BSN: variants seen among roughly 807,000 people sequenced by gnomAD.
BSN encodes the protein bassoon presynaptic cytomatrix protein, also known as protein bassoon.
BSN carries 57 observed loss-of-function variants against 264.8 expected under a neutral mutation model. That is an observed-to-expected ratio of 0.22 (90% confidence interval 0.17 to 0.27). The LOEUF (loss-of-function observed/expected upper bound fraction) is 0.27. Among genes scored for constraint, BSN ranks in the 10% least tolerant of loss-of-function variants. The pLI, the probability that BSN is intolerant of heterozygous loss-of-function variation, is 1.00. For missense variants in BSN, 4,615 were observed against 5,232.5 expected (o/e 0.88, Z 3.64); for synonymous variants, 2,059 against 2,137.3 (o/e 0.96, Z 1.01).
intron 1 of BSN, among the ~76,000 whole-genome samples, chr3:49,587,066 G>A (rs1482410994): frequency 6.6e-6 from 1 of 151,908 alleles, no homozygotes; most frequent in East Asian, 1.9e-4. Flanking sequence ...ATTTTTTGGT[G>A]TCCTCTTCAA....
At chr3:49,647,863 C>T (rs989089199) in intron 3 of BSN, among the ~76,000 whole-genome samples, 3 of 152,204 alleles carry the variant, frequency 2.0e-5, no homozygotes, top group Admixed American at 2.0e-4. Context: ...GCCCTGTACC[C>T]TTCTTCCCCA....
rs899185065 is a variant in BSN at position 49,670,675 on chromosome 3, C to G, written c.*3190C>G. The G allele has an allele frequency of 6.6e-6, 1 of 152,346 alleles. No individual in the cohort carries two copies. The highest frequency in any genetic ancestry group is 2.4e-5 in the African/African-American group (1 of 41,458). 9.4% of individuals were successfully genotyped at this position (152,346 alleles called of 1,614,324 possible). A position where few individuals can be genotyped will look rare whatever the true frequency, so the allele number is the denominator to read the frequency against. ...AGGAGTCTCTAGCATGCAGCCCAGG[C>G]CTTCTCCATACCCCTCTCCCCAGCA... On this transcript the variant is annotated 3_prime_UTR_variant, in exon 12 of 12. Coordinates refer to ENST00000296452, the MANE Select transcript of BSN (RefSeq NM_003458.4).
intron 1 of BSN, among the ~76,000 whole-genome samples, chr3:49,605,903 TATAAATAG>T (rs2052132553): frequency 1.1e-3 from 1 of 872 alleles, no homozygotes; most frequent in African/African-American, 1.5e-3. Context: ...TTTATGTCTA[TATAAATAG>T]ATATAAATAG....
intron 1 of BSN, among the ~76,000 whole-genome samples, chr3:49,613,318 G>GAGAGAGAGAGAGAA (rs1438099181): frequency 7.0e-6 from 1 of 143,704 alleles, no homozygotes; most frequent in African/African-American, 2.6e-5. Flanking sequence ...GAGAGAGAGA[G>GAGAGAGAGAGAGAA]AGAGAGAGAG....
chr3:49,554,553 G>C lies in BSN; in HGVS notation c.-50G>C. Reference sequence around the variant, plus strand: ...AGAGTGTGAGCACCGCCCGGGAGCCGCCGGCCCGGGCGCAGCGCGACCCCG... The same window carrying C: ...AGAGTGTGAGCACCGCCCGGGAGCCCCCGGCCCGGGCGCAGCGCGACCCCG... On this transcript the variant is annotated 5_prime_UTR_variant, in exon 1 of 12. Coordinates refer to ENST00000296452, the MANE Select transcript of BSN (RefSeq NM_003458.4). The C allele has an allele frequency of 1.3e-6, 1 of 746,560 alleles. No homozygotes were observed. The highest frequency in any genetic ancestry group is 1.6e-6 in the Non-Finnish European group (1 of 612,278). 46.2% of individuals were successfully genotyped at this position (746,560 alleles called of 1,614,324 possible).
chr3:49,584,089 G>A (rs1172778175), intron 1 of BSN, among the ~76,000 whole-genome samples: 9 of 151,912 alleles, frequency 5.9e-5, no homozygotes, highest in Non-Finnish European at 1.0e-4. Context: ...GTTTCACCGT[G>A]TTAGCCAGGA....
chr3:49,626,537 G>A (rs1410758335), intron 2 of BSN, among the ~76,000 whole-genome samples: 4 of 152,152 alleles, frequency 2.6e-5, no homozygotes, highest in East Asian at 1.9e-4. Flanking sequence ...CTGAAGAGGC[G>A]TGCATGCTCG....
chr3:49,618,840 C>T (rs1379418330), intron 1 of BSN, among the ~76,000 whole-genome samples: 1 of 152,232 alleles, frequency 6.6e-6, no homozygotes, highest in Non-Finnish European at 1.5e-5. Flanking sequence ...TTTGTTTGCA[C>T]ATCTGTCTCT....
intron 1 of BSN, among the ~76,000 whole-genome samples, chr3:49,559,338 A>G (rs948211796): frequency 2.6e-5 from 4 of 152,162 alleles, no homozygotes; most frequent in Admixed American, 6.5e-5. Context: ...AGCCACTGCC[A>G]TCATCAACTT....
chr3:49,606,381 C>T (rs1387195698), intron 1 of BSN, among the ~76,000 whole-genome samples: 3 of 62,372 alleles, frequency 4.8e-5, no homozygotes, highest in African/African-American at 1.6e-4. Context: ...AGAAGTGCCC[C>T]CTGACCCACC....
Position 49,657,948 on chromosome 3 carries a change from G to A in BSN, c.8392G>A (p.Val2798Ile). 1 of 1,612,882 alleles carries A rather than the reference G, an allele frequency of 6.2e-7. No homozygotes were observed. The highest frequency in any genetic ancestry group is 1.1e-5 in the South Asian group (1 of 91,014). Reference protein sequence around the residue: ...PKSPQVLYSPVSPLSPHRLLD... With the variant: ...PKSPQVLYSPISPLSPHRLLD... ...GTCCCCTCAGGTCCTCTACTCACCA[G>A]TCTCACCCCTGTCCCCTCACCGGCT... Residue 2798 changes from valine to isoleucine, a missense_variant, in exon 5 of 12, where the codon GTC becomes ATC. Transcript: ENST00000296452.
chr3:49,616,028 G>C (rs538860548), intron 1 of BSN, among the ~76,000 whole-genome samples: 1 of 152,104 alleles, frequency 6.6e-6, no homozygotes, highest in Admixed American at 6.6e-5. Flanking sequence ...TTTCCACTTG[G>C]GGAGGTGGGT....
intron 1 of BSN, among the ~76,000 whole-genome samples, chr3:49,592,341 C>T (rs1335386369): frequency 4.0e-5 from 6 of 151,230 alleles, no homozygotes; most frequent in African/African-American, 7.3e-5. Context: ...CACTCCTGAC[C>T]TCAGGTGATC....
In BSN at chr3:49,654,934, G is replaced by T; in HGVS notation, c.5378G>T (p.Arg1793Ile). 6.2e-7 allele frequency: 1 copy of T among 1,611,728 alleles called. No homozygotes were observed. Among genetic ancestry groups the T allele is most frequent in the East Asian group, 2.2e-5 (1 of 44,842 alleles). ...TAPYRSGPRGRPREAKFARYN... is the reference protein window; with the variant it reads ...TAPYRSGPRGIPREAKFARYN... ...CCATACCGAAGTGGGCCCCGGGGAA[G>T]ACCCAGGGAGGCCAAGTTTGCCAGA... The change falls in exon 5 of 12, where the codon AGA becomes ATA. Residue 1793 changes from arginine (R) to isoleucine (I), a missense_variant. Transcript: ENST00000296452. This position sits in a 1 kb window ranked among gnomAD's most constrained non-coding sequence, Gnocchi z 4.1.
At chr3:49,620,648 G>A (rs1313760052) in intron 1 of BSN, among the ~76,000 whole-genome samples, 3 of 152,034 alleles carry the variant, frequency 2.0e-5, no homozygotes, top group Non-Finnish European at 4.4e-5. Flanking sequence ...GGAAGCCAGT[G>A]CAAGGCTTAA....
In BSN at chr3:49,654,205, C is replaced by T. The variant is rs1195789134; in HGVS notation, c.4649C>T (p.Ser1550Phe). 8 of 1,613,876 alleles carry T rather than the reference C, an allele frequency of 5.0e-6. No individual in the cohort carries two copies. The East Asian group carries it at 1.8e-4, about 36-fold the overall frequency. ...PSTPRLVWQE[S>F]SQEAPFMVIT... is the part of the protein sequence containing the mutation. Reference sequence around the variant, plus strand: ...ACGCCTCGCCTGGTGTGGCAGGAGTCCTCTCAAGAGGCTCCCTTTATGGTC... The same window carrying T: ...ACGCCTCGCCTGGTGTGGCAGGAGTTCTCTCAAGAGGCTCCCTTTATGGTC... Residue 1550 changes from serine to phenylalanine, a missense_variant, in exon 5 of 12, where the codon TCC (serine) becomes TTC (phenylalanine). Around this residue, in one of 3 missense-constraint regions of BSN, gnomAD observed 3,415 missense variants for 3,866.4 expected, o/e 0.88. Coordinates refer to ENST00000296452, the MANE Select transcript of BSN (RefSeq NM_003458.4). This position sits in a 1 kb window ranked among gnomAD's most constrained non-coding sequence, Gnocchi z 4.1.
intron 1 of BSN, among the ~76,000 whole-genome samples, chr3:49,590,592 A>G (rs2108023748): frequency 6.6e-6 from 1 of 152,148 alleles, no homozygotes; most frequent in South Asian, 2.1e-4. Context: ...ATCACAATCT[A>G]CTTCAAATTA....
At chr3:49,593,952 G>A (rs2052001004) in intron 1 of BSN, among the ~76,000 whole-genome samples, 1 of 151,614 alleles carries the variant, frequency 6.6e-6, no homozygotes, top group East Asian at 1.9e-4. Flanking sequence ...ACAGGCACCC[G>A]CCACCACGCC....
Position 49,663,682 on chromosome 3 carries a change from A to G in BSN, c.11508+16A>G, listed in dbSNP as rs200710179. On this transcript the variant is annotated intron_variant, in intron 7 of 11. Coordinates refer to ENST00000296452, the MANE Select transcript of BSN (RefSeq NM_003458.4). ...AGCAGGACCGGTAAGCAGAGCTCCC[A>G]TGCATGGGTTGTAACCAGGGAAGAT... The G allele has an allele frequency of 3.1e-6, 5 of 1,603,000 alleles. No individual in the cohort carries two copies. The Middle Eastern group carries it at 5.0e-4, about 160-fold the overall frequency.
Sources: allele counts gnomAD v4.1 joint callset (sites outside exome capture counted in the v4.1 genomes callset), GRCh38; gene constraint gnomAD v4.1.1; regional missense constraint gnomAD v4.1.1; non-coding constraint Gnocchi (gnomAD v3.1); transcripts MANE v1.5; gene names NCBI Gene and HGNC (gene_info 2026-07-23, HGNC 2026-07-21).